SLIT2: variants seen among roughly 807,000 people sequenced by gnomAD.
SLIT2 encodes slit guidance ligand 2, also known as slit homolog 2 protein.
A neutral mutation model predicts 185.7 loss-of-function variants in SLIT2; 41 were observed. The ratio of observed to expected loss-of-function variants is 0.22; its 90% CI spans 0.17 to 0.29. The LOEUF is 0.29. Among genes scored for constraint, SLIT2 ranks in the 10% least tolerant of loss-of-function variants. The pLI is 1.00. For synonymous variants in SLIT2, 693 were observed against 680.2 expected, an observed-to-expected ratio of 1.02 and a Z score of -0.29; for missense variants, 1,571 against 1,909.0, an observed-to-expected ratio of 0.82 and a Z score of 3.30.
intron 4 of SLIT2, among the ~76,000 whole-genome samples, chr4:20,317,110 G>C (rs2109151538): frequency 1.3e-5 from 2 of 151,902 alleles, no homozygotes; most frequent in South Asian, 2.1e-4. Context: ...AAAGTTGTCA[G>C]ATGGTTTGCT....
chr4:20,308,746 G>A (rs1717808536), intron 4 of SLIT2, among the ~76,000 whole-genome samples: 1 of 152,014 alleles, frequency 6.6e-6, no homozygotes, highest in African/African-American at 2.4e-5. Flanking sequence ...TGTTGGTAAA[G>A]CAATGCTGTT....
chr4:20,467,776 G>T lies in SLIT2; in HGVS notation c.420G>T (p.Gln140His). Reference sequence around the variant, plus strand: ...GTGATCTCAGTGAAAACCAAATTCAGGCAATCCCAAGGAAAGCTTTCCGTG... The same window carrying T: ...GTGATCTCAGTGAAAACCAAATTCATGCAATCCCAAGGAAAGCTTTCCGTG... ...YRLDLSENQI[Q>H]AIPRKAFRGA... is the part of the protein sequence containing the mutation. The change falls in exon 5 of 37, where the codon CAG becomes CAT. Residue 140 changes from glutamine to histidine, a missense_variant. Gln to His is a conservative substitution (Grantham distance 24). This residue lies in a region of SLIT2 where 1,202 missense variants were observed against 1,416.4 expected (regional missense o/e 0.85). Transcript: ENST00000504154. 6.3e-7 allele frequency: 1 copy of T among 1,598,290 alleles called. No individual in the cohort carries two copies. Among genetic ancestry groups the T allele is most frequent in the African/African-American group, 1.3e-5 (1 of 74,636 alleles).
Position 20,598,385 on chromosome 4 carries a change from G to A in SLIT2, c.3682G>A (p.Ala1228Thr). The A allele has an allele frequency of 6.2e-7, 1 of 1,614,014 alleles. No individual in the cohort carries two copies. The highest frequency in any genetic ancestry group is 8.5e-7 in the Non-Finnish European group (1 of 1,179,942). ...TGACACCGGCTCTCATCCAGCTTCT[G>A]CCATTTACAGGTGAAGATCTCTCAG... ...SYDTGSHPAS[A>T]IYSVETINDG... The change falls in exon 33 of 37, where the codon GCC (alanine) becomes ACC (threonine). Residue 1228 changes from alanine to threonine, a missense_variant. This residue lies in a region of SLIT2 where 146 missense variants were observed against 247.4 expected (regional missense o/e 0.59). Coordinates refer to ENST00000504154, the MANE Select transcript of SLIT2 (RefSeq NM_004787.4).
chr4:20,438,456 C>T (rs1729511816), intron 4 of SLIT2, among the ~76,000 whole-genome samples: 2 of 152,064 alleles, frequency 1.3e-5, no homozygotes, highest in Admixed American at 6.6e-5. Context: ...TCTCGTGAGA[C>T]CCATTCACAA....
At chr4:20,552,118 T>TGA (rs937037398) in intron 25 of SLIT2, among the ~76,000 whole-genome samples, 7 of 152,290 alleles carry the variant, frequency 4.6e-5, no homozygotes, top group African/African-American at 1.7e-4. Flanking sequence ...GCCACGTGCA[T>TGA]GAGCTGCAAT....
rs141595575 is a variant in SLIT2, at chr4:20,396,463, T to C, written c.396-71289T>C. Among the ~76,000 whole-genome samples the C allele has an allele frequency of 2.6e-5, 4 of 152,004 alleles. No homozygotes were observed. In the East Asian group the frequency reaches 7.7e-4, roughly 29 times the overall value. ...CTAGTTACAAAACTGGATGAAATGC[T>C]TTATGCTTGGTTGTTTTCATATACT... On this transcript the variant is annotated intron_variant, in intron 4 of 36. Transcript: ENST00000504154.
chr4:20,289,325 A>G (rs1715583208), intron 4 of SLIT2, among the ~76,000 whole-genome samples: 1 of 152,154 alleles, frequency 6.6e-6, no homozygotes, highest in South Asian at 2.1e-4. Context: ...TGAGATGACT[A>G]TTAAAAAAAA....
intron 4 of SLIT2, among the ~76,000 whole-genome samples, chr4:20,382,292 A>G (rs534971668): frequency 6.6e-6 from 1 of 152,252 alleles, no homozygotes; most frequent in Non-Finnish European, 1.5e-5. Context: ...AAGTTCAGGA[A>G]CAAGACAAGG....
intron 12 of SLIT2, among the ~76,000 whole-genome samples, chr4:20,521,660 C>A (rs1305788636): frequency 6.6e-6 from 1 of 152,094 alleles, no homozygotes; most frequent in African/African-American, 2.4e-5. Flanking sequence ...CTGTCACCCA[C>A]CATTTCTTGA....
chr4:20,439,114 T>C (rs1164317214), intron 4 of SLIT2, among the ~76,000 whole-genome samples: 1 of 152,190 alleles, frequency 6.6e-6, no homozygotes, highest in Non-Finnish European at 1.5e-5. Flanking sequence ...CTTGGATGAG[T>C]TATTATTTCC....
intron 4 of SLIT2, among the ~76,000 whole-genome samples, chr4:20,372,417 A>C (rs1723665875): frequency 2.0e-5 from 3 of 152,086 alleles, no homozygotes; most frequent in Non-Finnish European, 2.9e-5. Flanking sequence ...CCCAAAGAGA[A>C]AAGGTAAAAT....
At position 20,467,886 on chromosome 4, in the gene SLIT2, A is replaced by G. The variant is rs947471728; in HGVS notation, c.467+63A>G. Reference sequence around the variant, plus strand: ...ATTATCTATTTTCAAAGTCAAGTTTATATTAAATAAAGTGTCAGAAAGAAA... The same window carrying G: ...ATTATCTATTTTCAAAGTCAAGTTTGTATTAAATAAAGTGTCAGAAAGAAA... On this transcript the variant is annotated intron_variant, in intron 5 of 36. Coordinates refer to ENST00000504154, the MANE Select transcript of SLIT2 (RefSeq NM_004787.4). The G allele has an allele frequency of 3.7e-6, 3 of 815,458 alleles. No individual in the cohort carries two copies. The African/African-American group carries it at 5.3e-5, about 14-fold the overall frequency. 50.5% of individuals were successfully genotyped at this position (815,458 alleles called of 1,614,324 possible).
chr4:20,308,118 C>A (rs1237728323), intron 4 of SLIT2, among the ~76,000 whole-genome samples: 1 of 152,118 alleles, frequency 6.6e-6, no homozygotes, highest in Non-Finnish European at 1.5e-5. Flanking sequence ...TGGCAAGAGA[C>A]ACGCTTCATG....
intron 26 of SLIT2, among the ~76,000 whole-genome samples, chr4:20,565,924 A>T (rs147026862): frequency 1.3e-5 from 2 of 152,012 alleles, no homozygotes; most frequent in Non-Finnish European, 2.9e-5. Flanking sequence ...TTACTTGAAT[A>T]TGTGCTAGTA....
intron 4 of SLIT2, among the ~76,000 whole-genome samples, chr4:20,291,479 T>TAAAA (rs1715868937): frequency 1.0e-4 from 1 of 9,734 alleles, no homozygotes; most frequent in Non-Finnish European, 2.1e-4. Context: ...TATATATATA[T>TAAAA]ATATATATAT....
At chr4:20,291,471 TA>T (rs1715842101) in intron 4 of SLIT2, among the ~76,000 whole-genome samples, 1 of 8,470 alleles carries the variant, frequency 1.2e-4, no homozygotes, top group Non-Finnish European at 3.3e-4. Flanking sequence ...TATATATATA[TA>T]TATATATATA....
At position 20,325,604 on chromosome 4, in the gene SLIT2, C is replaced by A. The variant is rs189610305; in HGVS notation, c.395+56723C>A. Reference sequence around the variant, plus strand: ...TTACCAAAAGAGAGCATACCTAACGCATGTACTTATTTTAAAGCACTGCTT... The same window carrying A: ...TTACCAAAAGAGAGCATACCTAACGAATGTACTTATTTTAAAGCACTGCTT... On this transcript the variant is annotated intron_variant, in intron 4 of 36. Transcript: ENST00000504154. 6.6e-4 allele frequency among the ~76,000 whole-genome samples: 101 copies of A among 152,196 alleles called. 2 individuals are homozygous for A. Among genetic ancestry groups the A allele is most frequent in the African/African-American group, 2.4e-3 (98 of 41,548 alleles).
intron 4 of SLIT2, among the ~76,000 whole-genome samples, chr4:20,373,209 T>C (rs1723737475): frequency 6.6e-6 from 1 of 152,112 alleles, no homozygotes; most frequent in African/African-American, 2.4e-5. Flanking sequence ...ATCACCTTAT[T>C]CTGCCGCTAT....
At chr4:20,494,919 A>C (rs1226898040) in intron 9 of SLIT2, among the ~76,000 whole-genome samples, 1 of 152,202 alleles carries the variant, frequency 6.6e-6, no homozygotes, top group Non-Finnish European at 1.5e-5. Context: ...TCTAATGAAA[A>C]GGAGAGTAAG....
Sources: gnomAD v4.1 joint callset for allele counts (sites outside exome capture counted in the v4.1 genomes callset) on GRCh38, gnomAD v4.1.1 for gene constraint, gnomAD v4.1.1 regional missense constraint, MANE v1.5 for transcripts, NCBI Gene and HGNC (gene_info 2026-07-23, HGNC 2026-07-21) for gene names.